The following IL37 variants were observed in gnomAD, a reference collection of about 807,000 sequenced individuals.
IL37 encodes interleukin 37.
A neutral mutation model predicts 15.4 loss-of-function variants in IL37; 15 were observed. The observed-to-expected ratio is 0.98, with a 90% CI of 0.65 to 1.50. IL37 has a LOEUF of 1.50. Among genes scored for constraint, IL37 ranks in the 40% most tolerant of loss-of-function variants. The pLI, the probability that IL37 is intolerant of heterozygous loss-of-function variation, is 0.00. For missense variants in IL37, 269 were observed against 261.7 expected, an observed-to-expected ratio of 1.03 and a Z score of -0.19; for synonymous variants, 98 against 97.4, an observed-to-expected ratio of 1.01 and a Z score of -0.03.
intron 3 of IL37, among the ~76,000 whole-genome samples, chr2:112,914,512 T>A (rs1216537977): frequency 1.3e-5 from 2 of 152,150 alleles, no homozygotes; most frequent in African/African-American, 4.8e-5. Context: ...CTAGTGCAGG[T>A]TCATGTGGGA....
In IL37 at chr2:112,913,865, G is replaced by A. The variant is rs200782323; in HGVS notation, c.145+11G>A. 1.1e-5 allele frequency: 17 copies of A among 1,611,202 alleles called. No homozygotes were observed. In the African/African-American group the frequency reaches 1.9e-4, roughly 18 times the overall value. ...ATTTTGTTCACACAAGTAAGGCCTC[G>A]GGGTGAGGTGATGGGGGTGGCTGAG... On this transcript the variant is annotated intron_variant, in intron 3 of 5. Transcript: ENST00000263326.
At chr2:112,914,857 C>G (rs2708938) in intron 3 of IL37, among the ~76,000 whole-genome samples, 14,835 of 152,192 alleles carry the variant, frequency 0.097, 960 homozygotes, top group African/African-American at 0.17. Flanking sequence ...TAGGAATACA[C>G]ATTCCCAGGC....
rs775729320 is a variant in IL37, at chr2:112,917,244, C to T, written c.261C>T (p.Arg87=). ...CAGTTCCAGATAAAAACTACATACG[C>T]CCAGGTGACTCTCAGTTTTGGCTGT... The part of the protein sequence containing the change: ...LIAVPDKNYI[R]PEIFFALASS... The change falls in exon 4 of 6, where the codon CGC becomes CGT. Residue 87 remains arginine (R), a synonymous_variant. Transcript: ENST00000263326. The T allele has an allele frequency of 5.6e-6, 9 of 1,613,756 alleles. No homozygotes were observed. Among genetic ancestry groups the T allele is most frequent in the Non-Finnish European group, 7.6e-6 (9 of 1,179,926 alleles).
intron 5 of IL37, among the ~76,000 whole-genome samples, chr2:112,918,312 C>T (rs1051526277): frequency 1.6e-5 from 1 of 62,078 alleles, no homozygotes; most frequent in South Asian, 7.4e-4. Context: ...CTGACTCTTA[C>T]GTCTCTCTCT....
chr2:112,912,494 G>A (rs907084889), intron 1 of IL37, among the ~76,000 whole-genome samples: 94 of 152,150 alleles, frequency 6.2e-4, no homozygotes, highest in African/African-American at 2.1e-3. Flanking sequence ...GTGTCAGATG[G>A]TAAGTATTTT....
At position 112,917,067 on chromosome 2, in the gene IL37, A is replaced by G. The variant is rs1054689317; in HGVS notation, c.146-62A>G. On this transcript the variant is annotated intron_variant, in intron 3 of 5. Transcript: ENST00000263326. ...AGGGCTGGGGCCCTTGGACGTGGGG[A>G]AGAAAGGGCTGAGTCTTCCATTTTC... The G allele has an allele frequency of 4.4e-6, 7 of 1,590,544 alleles. No homozygotes were observed. In the African/African-American group the frequency reaches 6.7e-5, roughly 15 times the overall value.
chr2:112,918,773 C>G lies in IL37; in HGVS notation c.621C>G (p.Cys207Trp). 6.2e-7 allele frequency: 1 copy of G among 1,614,076 alleles called. No homozygotes were observed. The highest frequency in any genetic ancestry group is 1.1e-5 in the South Asian group (1 of 91,072). Residue 207 changes from cysteine to tryptophan, a missense_variant, in exon 6 of 6, where the codon TGC becomes TGG. Transcript: ENST00000263326. The stretch of plus-strand genomic sequence containing the variant: ...TTGAATTTTCATTTCAACCAGTTTG[C>G]AAAGCTGAAATGAGCCCCAGTGAGG... Reference protein sequence around the residue: ...KHIEFSFQPVCKAEMSPSEVS... With the variant: ...KHIEFSFQPVWKAEMSPSEVS...
intron 3 of IL37, among the ~76,000 whole-genome samples, chr2:112,914,282 A>G (rs1310818018): frequency 6.6e-6 from 1 of 152,174 alleles, no homozygotes; most frequent in Non-Finnish European, 1.5e-5. Flanking sequence ...CCATTTGAAC[A>G]CCACAACACC....
chr2:112,913,173 C>A, intron 2 of IL37, 79 bp downstream of exon 2: 2 of 938,144 alleles, frequency 2.1e-6, no homozygotes, highest in Non-Finnish European at 3.1e-6. Context: ...TGTGCACAGA[C>A]CCAGTTGTTT....
At chr2:112,917,801 T>G (rs751615246) in intron 5 of IL37, 24 bp downstream of exon 5, 4 of 1,613,520 alleles carry the variant, frequency 2.5e-6, no homozygotes. Context: ...CTCAGTTTCC[T>G]GGGCCTTTGG....
At chr2:112,914,629 G>A (rs940481953) in intron 3 of IL37, among the ~76,000 whole-genome samples, 1 of 152,236 alleles carries the variant, frequency 6.6e-6, no homozygotes, top group Non-Finnish European at 1.5e-5. Context: ...CACCGCTGCT[G>A]CTGCAGTTAC....
chr2:112,913,552 T>C (rs1418111722), intron 2 of IL37, among the ~76,000 whole-genome samples: 1 of 152,182 alleles, frequency 6.6e-6, no homozygotes, highest in African/African-American at 2.4e-5. Context: ...TTGACCCAAA[T>C]GATTGTCTAC....
Position 112,917,151 on chromosome 2 carries a change from C to T in IL37, c.168C>T (p.Asn56=), listed in dbSNP as rs117125559. ...TAGGTCCAAAGGTGAAGAACTTAAA[C>T]CCGAAGAAATTCAGCATTCATGACC... ...VHTSPKVKNL[N]PKKFSIHDQD... is the part of the protein sequence containing the mutation. Residue 56 remains asparagine, a synonymous_variant, in exon 4 of 6, where the codon AAC becomes AAT. Transcript: ENST00000263326. 4.6e-4 allele frequency: 744 copies of T among 1,613,990 alleles called. 11 individuals carry two copies. In the East Asian group the frequency reaches 0.016, roughly 35 times the overall value.
At chr2:112,913,378 A>G (rs1007150928) in intron 2 of IL37, among the ~76,000 whole-genome samples, 3 of 152,186 alleles carry the variant, frequency 2.0e-5, no homozygotes, top group South Asian at 2.1e-4. Flanking sequence ...ATATGCTTCA[A>G]AATGCACCTC....
chr2:112,914,815 C>G (rs749446012), intron 3 of IL37, among the ~76,000 whole-genome samples: 7 of 152,314 alleles, frequency 4.6e-5, no homozygotes, highest in Non-Finnish European at 1.0e-4. Context: ...GTCTGGTCCT[C>G]AAACGTCAGC....
chr2:112,915,136 C>T (rs550587376), intron 3 of IL37: 159 of 1,521,892 alleles, frequency 1.0e-4, no homozygotes, highest in South Asian at 3.2e-4. Context: ...GGATCATGAG[C>T]GAGAACACCA....
In IL37 at chr2:112,912,992, G is replaced by A; in HGVS notation, c.-21G>A. On this transcript the variant is annotated 5_prime_UTR_variant, in exon 2 of 6. Transcript: ENST00000263326. ...TGGACTTCATTCCATTTTCTGTTGAGTAATAAACTCAACGTTGAAAATGTC... is the reference window on the plus strand; with the variant it reads ...TGGACTTCATTCCATTTTCTGTTGAATAATAAACTCAACGTTGAAAATGTC... 6.4e-7 allele frequency: 1 copy of A among 1,556,110 alleles called. No individual in the cohort carries two copies. The highest frequency in any genetic ancestry group is 8.7e-7 in the Non-Finnish European group (1 of 1,149,466).
At chr2:112,912,652 G>A (rs1683203185) in intron 1 of IL37, among the ~76,000 whole-genome samples, 2 of 152,204 alleles carry the variant, frequency 1.3e-5, no homozygotes, top group African/African-American at 4.8e-5. Flanking sequence ...TTGGCCAAAG[G>A]CCATAGTGTG....
In IL37 at chr2:112,912,559, G is replaced by A. The variant is rs528672210; in HGVS notation, c.-50-404G>A. Among the ~76,000 whole-genome samples, 17 of 152,232 alleles carry A rather than the reference G, an allele frequency of 1.1e-4. No individual in the cohort carries two copies. In the South Asian group the frequency reaches 3.1e-3, roughly 28 times the overall value. On this transcript the variant is annotated intron_variant, in intron 1 of 5. Coordinates refer to ENST00000263326, the MANE Select transcript of IL37 (RefSeq NM_014439.4). ...TAGTTAACCATGCTATTGTAGCCTC[G>A]AAGCAGCCAGAGACAATATGTAAAC... is the stretch of plus-strand genomic sequence containing the variant.
Sources: allele counts gnomAD v4.1 joint callset (sites outside exome capture counted in the v4.1 genomes callset), GRCh38; gene constraint gnomAD v4.1.1; transcripts MANE v1.5; gene names NCBI Gene and HGNC (gene_info 2026-07-23, HGNC 2026-07-21).